The following NCKAP5 variants were observed in gnomAD, a reference collection of about 807,000 sequenced individuals.
NCKAP5 encodes NCK associated protein 5, also known as nck-associated protein 5.
In NCKAP5, 92 loss-of-function variants were observed where a neutral mutation model predicts 167.0. The ratio of observed to expected loss-of-function variants is 0.55; its 90% CI spans 0.47 to 0.66. NCKAP5 has a LOEUF of 0.66. NCKAP5 is among the 30% of genes least tolerant of loss of function. The pLI, the probability that NCKAP5 is intolerant of heterozygous loss-of-function variation, is 0.00. For synonymous variants in NCKAP5, 891 were observed against 877.4 expected (o/e 1.02, Z -0.27); for missense variants, 2,378 against 2,315.0 (o/e 1.03, Z -0.56).
intron 6 of NCKAP5, among the ~76,000 whole-genome samples, chr2:133,094,959 C>A (rs2081300023): frequency 6.6e-6 from 1 of 152,026 alleles, no homozygotes; most frequent in Non-Finnish European, 1.5e-5. Context: ...CCTATAACCC[C>A]CAAAAACTGA....
chr2:132,860,690 C>G, intron 10 of NCKAP5, 79 bp from the exon 11 acceptor site: 1 of 1,444,912 alleles, frequency 6.9e-7, no homozygotes, highest in African/African-American at 1.4e-5. Flanking sequence ...TTTTATATAT[C>G]TCAGATCATT....
chr2:133,106,815 G>C (rs1195261353), intron 6 of NCKAP5, among the ~76,000 whole-genome samples: 2 of 152,138 alleles, frequency 1.3e-5, no homozygotes, highest in African/African-American at 4.8e-5. Context: ...GTTTATTTTA[G>C]AAATGAGGAA....
At chr2:132,794,277 G>T (rs1273825128) in intron 12 of NCKAP5, among the ~76,000 whole-genome samples, 36 of 101,996 alleles carry the variant, frequency 3.5e-4, no homozygotes, top group Admixed American at 6.1e-4. Context: ...GAGAGAGAGA[G>T]AGAGAGAGAG....
intron 6 of NCKAP5, among the ~76,000 whole-genome samples, chr2:133,002,083 G>A (rs1202511928): frequency 6.6e-6 from 1 of 152,074 alleles, no homozygotes; most frequent in Non-Finnish European, 1.5e-5. Context: ...TCTGACGAGG[G>A]GTCCTGGAAT....
chr2:133,317,928 C>T (rs1681731871), intron 3 of NCKAP5, among the ~76,000 whole-genome samples: 1 of 152,182 alleles, frequency 6.6e-6, no homozygotes, highest in Admixed American at 6.5e-5. Flanking sequence ...CCTCTGCCTC[C>T]TGGAAACAGA....
chr2:133,252,532 AC>A (rs1402955556), intron 4 of NCKAP5, among the ~76,000 whole-genome samples: 1 of 152,218 alleles, frequency 6.6e-6, no homozygotes, highest in African/African-American at 2.4e-5. Context: ...AGATCAGACC[AC>A]GAGAGGTCTT....
chr2:133,231,781 A>T (rs1382220861), intron 4 of NCKAP5, among the ~76,000 whole-genome samples: 1 of 152,172 alleles, frequency 6.6e-6, no homozygotes, highest in Non-Finnish European at 1.5e-5. Context: ...CACTCTCATG[A>T]TCTCTAAATT....
intron 5 of NCKAP5, among the ~76,000 whole-genome samples, chr2:133,204,683 T>A (rs2085864986): frequency 6.6e-6 from 1 of 152,188 alleles, no homozygotes; most frequent in Non-Finnish European, 1.5e-5. Context: ...AGGCTGTGTT[T>A]TGGCTTCAAG....
intron 3 of NCKAP5, among the ~76,000 whole-genome samples, chr2:133,448,437 T>C (rs1691347491): frequency 6.6e-6 from 1 of 152,152 alleles, no homozygotes; most frequent in South Asian, 2.1e-4. Context: ...AGTAATACCA[T>C]TGTTTACCCT....
intron 3 of NCKAP5, among the ~76,000 whole-genome samples, chr2:133,363,409 A>G (rs1685253179): frequency 6.6e-6 from 1 of 152,212 alleles, no homozygotes; most frequent in African/African-American, 2.4e-5. Flanking sequence ...CATGTGGCAC[A>G]CAAAGCTAAG....
chr2:133,609,811 C>A, the NCKAP5 span, among the ~76,000 whole-genome samples: 1 of 152,278 alleles, frequency 6.6e-6, no homozygotes, highest in South Asian at 2.1e-4. Flanking sequence ...AGGAACATTT[C>A]TCTAGAATTA....
chr2:133,078,058 T>G (rs984289165), intron 6 of NCKAP5, among the ~76,000 whole-genome samples: 1 of 152,162 alleles, frequency 6.6e-6, no homozygotes, highest in Non-Finnish European at 1.5e-5. Flanking sequence ...TATGGGACTT[T>G]AGGGTTCAGT....
intron 6 of NCKAP5, among the ~76,000 whole-genome samples, chr2:133,099,516 A>G (rs1007026586): frequency 6.6e-6 from 1 of 152,248 alleles, no homozygotes; most frequent in African/African-American, 2.4e-5. Flanking sequence ...ATTTAAGTAC[A>G]TATTGGGGTC....
chr2:133,294,493 A>G (rs1416806182), intron 4 of NCKAP5, among the ~76,000 whole-genome samples: 1 of 152,188 alleles, frequency 6.6e-6, no homozygotes, highest in Non-Finnish European at 1.5e-5. Flanking sequence ...TCTAGATAAC[A>G]TTTTAGCAAA....
intron 4 of NCKAP5, among the ~76,000 whole-genome samples, chr2:133,226,349 T>C (rs972878244): frequency 3.3e-5 from 5 of 152,130 alleles, no homozygotes; most frequent in African/African-American, 1.2e-4. Flanking sequence ...GAAACTACAA[T>C]GATGAGTGAG....
At chr2:132,953,204 C>G (rs1375087470) in intron 8 of NCKAP5, among the ~76,000 whole-genome samples, 1 of 152,192 alleles carries the variant, frequency 6.6e-6, no homozygotes, top group Non-Finnish European at 1.5e-5. Flanking sequence ...TGCCCTGGCC[C>G]TTGACAGGCC....
intron 6 of NCKAP5, among the ~76,000 whole-genome samples, chr2:133,127,132 T>G (rs943007127): frequency 3.9e-5 from 6 of 152,222 alleles, no homozygotes; most frequent in Non-Finnish European, 7.3e-5. Context: ...ATTATTTAGA[T>G]GACCATATTG....
intron 5 of NCKAP5, among the ~76,000 whole-genome samples, chr2:133,155,146 A>G (rs1400528385): frequency 6.6e-6 from 1 of 152,106 alleles, no homozygotes; most frequent in Non-Finnish European, 1.5e-5. Flanking sequence ...TGGGAGGCTA[A>G]TGTTTGTGCC....
chr2:133,413,485 G>T (rs1389515856), intron 3 of NCKAP5, among the ~76,000 whole-genome samples: 1 of 152,034 alleles, frequency 6.6e-6, no homozygotes, highest in Admixed American at 6.6e-5. Context: ...TCCTAGTGGT[G>T]ATATACTATA....
Sources: gnomAD v4.1 joint callset for allele counts (sites outside exome capture counted in the v4.1 genomes callset) on GRCh38, gnomAD v4.1.1 for gene constraint, MANE v1.5 for transcripts, NCBI Gene and HGNC (gene_info 2026-07-23, HGNC 2026-07-21) for gene names.